CELSR1: variants seen among roughly 807,000 people sequenced by gnomAD.
CELSR1 encodes cadherin EGF LAG seven-pass G-type receptor 1.
CELSR1 carries 110 observed loss-of-function variants against 249.1 expected under a neutral mutation model. That is an observed-to-expected ratio of 0.44 (90% CI 0.38 to 0.52). The LOEUF is 0.52. Ranked by LOEUF, CELSR1 falls within the 20% of genes least tolerant of loss-of-function variation. CELSR1 has a pLI of 0.00. For synonymous variants in CELSR1, 2,113 were observed against 1,900.0 expected, an observed-to-expected ratio of 1.11 and a Z score of -2.92; for missense variants, 4,109 against 4,296.4, an observed-to-expected ratio of 0.96 and a Z score of 1.22.
rs745592460 is a variant in CELSR1, at chr22:46,536,169, C to T, written c.1002G>A (p.Ser334=). 3 of 1,612,836 alleles carry T rather than the reference C, an allele frequency of 1.9e-6. No homozygotes were observed. Among genetic ancestry groups the T allele is most frequent in the Non-Finnish European group, 2.5e-6 (3 of 1,180,004 alleles). ...KAVDYSTPPR[S]ATTYITVLVK... ...CCAAGACAGTGATGTAGGTGGTGGC[C>T]GAGCGCGGCGGCGTACTGTAGTCCA... Residue 334 remains serine (S), a synonymous_variant, in exon 1 of 35, where the codon TCG becomes TCA. Coordinates refer to ENST00000674500, the MANE Select transcript of CELSR1 (RefSeq NM_001378328.1).
chr22:46,489,413 G>A (rs2080346437), intron 1 of CELSR1, among the ~76,000 whole-genome samples: 9 of 151,744 alleles, frequency 5.9e-5, no homozygotes, highest in Admixed American at 5.9e-4. Context: ...ACTTGCTGAA[G>A]CTGGGGAGAA....
rs534304033 is a variant in CELSR1 at position 46,370,964 on chromosome 22, C to T, written c.7760-1160G>A. Among the ~76,000 whole-genome samples, 9 of 152,358 alleles carry T rather than the reference C, an allele frequency of 5.9e-5. No individual in the cohort carries two copies. The South Asian group carries it at 1.0e-3, about 18-fold the overall frequency. ...TTTAGAGTCCAAAGGGCAGAGGCATCGCAGAGACCTGCTCCGCCTGGACAT... is the reference window on the plus strand; with the variant it reads ...TTTAGAGTCCAAAGGGCAGAGGCATTGCAGAGACCTGCTCCGCCTGGACAT... On this transcript the variant is annotated intron_variant, in intron 25 of 34. Coordinates refer to ENST00000674500, the MANE Select transcript of CELSR1 (RefSeq NM_001378328.1).
Position 46,537,286 on chromosome 22 carries a change from G to C in CELSR1, c.-116C>G. On this transcript the variant is annotated 5_prime_UTR_variant, in exon 1 of 35. Transcript: ENST00000674500. The surrounding 1 kb of genome is among the most constrained non-coding windows in gnomAD (Gnocchi z 5.8). ...TCCCGGGCGCCCGGCCCTCGGGGCG[G>C]TCCGCGTCCCGCCTCCCCGGGGGCC... 2 of 990,602 alleles carry C rather than the reference G, an allele frequency of 2.0e-6. No individual in the cohort carries two copies. Among genetic ancestry groups the C allele is most frequent in the South Asian group, 9.2e-5 (2 of 21,702 alleles). 61.4% of individuals were successfully genotyped at this position (990,602 alleles called of 1,614,324 possible).
In CELSR1 at chr22:46,365,667, C is replaced by G. The variant is rs745559079; in HGVS notation, c.8323G>C (p.Gly2775Arg). Residue 2775 changes from glycine to arginine, a missense_variant, in exon 31 of 35, where the codon GGC becomes CGC. Transcript: ENST00000674500. Reference protein sequence around the residue: ...IVRDEGIQKLGVSSGLVRGSH... With the variant: ...IVRDEGIQKLRVSSGLVRGSH... ...CCCCTCACCAGCCCAGAGGACACGC[C>G]GAGCTTCTGGATCCCTTCATCCCTA... 1 of 1,581,468 alleles carries G rather than the reference C, an allele frequency of 6.3e-7. No individual in the cohort carries two copies. Among genetic ancestry groups the G allele is most frequent in the African/African-American group, 1.3e-5 (1 of 74,276 alleles).
Position 46,502,442 on chromosome 22 carries a change from T to G in CELSR1, c.3544+31185A>C, listed in dbSNP as rs1231185340. 1.4e-3 allele frequency among the ~76,000 whole-genome samples: 74 copies of G among 54,530 alleles called. 1 individual carries two copies. Among genetic ancestry groups the G allele is most frequent in the African/African-American group, 3.6e-3 (48 of 13,350 alleles). 35.8% of individuals were successfully genotyped at this position (54,530 alleles called of 152,430 possible). On this transcript the variant is annotated intron_variant, in intron 1 of 34. Transcript: ENST00000674500. ...AAGGGGAGGGAAGGGGAGGGAAGGGTAAAGTGGAAAGAAGAGGGAAGGGGA... is the reference window on the plus strand; with the variant it reads ...AAGGGGAGGGAAGGGGAGGGAAGGGGAAAGTGGAAAGAAGAGGGAAGGGGA...
chr22:46,501,343 T>A (rs568226421), intron 1 of CELSR1, among the ~76,000 whole-genome samples: 26 of 151,988 alleles, frequency 1.7e-4, no homozygotes, highest in African/African-American at 6.3e-4. Context: ...GTAGCTGGGA[T>A]TACAGGCATG....
Position 46,429,711 on chromosome 22 carries a change from G to A in CELSR1, c.4611+3682C>T, listed in dbSNP as rs561187435. ...GGAGCCAGACGGGAGGATAGAGTGA[G>A]GGAGGGGAGGGGTGTCAGGAGGGTC... On this transcript the variant is annotated intron_variant, in intron 5 of 34. Coordinates refer to ENST00000674500, the MANE Select transcript of CELSR1 (RefSeq NM_001378328.1). The surrounding 1 kb of genome is among the most constrained non-coding windows in gnomAD (Gnocchi z 4.1). Among the ~76,000 whole-genome samples, 5 of 152,234 alleles carry A rather than the reference G, an allele frequency of 3.3e-5. No homozygotes were observed. Among genetic ancestry groups the A allele is most frequent in the Non-Finnish European group, 7.3e-5 (5 of 68,042 alleles).
Position 46,363,997 on chromosome 22 carries a change from C to G in CELSR1, c.9034G>C (p.Glu3012Gln). The change falls in exon 34 of 35, where the codon GAA becomes CAA. Residue 3012 changes from glutamate (E) to glutamine (Q), a missense_variant and splice_region_variant. Physicochemically the swap from Glu to Gln is conservative, Grantham distance 29. Around this residue, in one of 7 missense-constraint regions of CELSR1, gnomAD observed 1,805 missense variants for 1,831.6 expected, o/e 0.99. Transcript: ENST00000674500. This position sits in a 1 kb window ranked among gnomAD's most constrained non-coding sequence, Gnocchi z 4.3. ...GSAQADGSDS[E>Q]GSNETSI The stretch of plus-strand genomic sequence containing the variant: ...GCCCTGGAGGCCCAGGCTACTCACT[C>G]AGAGTCGGAGCCATCGGCCTGGGCG... 5 of 1,600,538 alleles carry G rather than the reference C, an allele frequency of 3.1e-6. No homozygotes were observed. The highest frequency in any genetic ancestry group is 4.3e-6 in the Non-Finnish European group (5 of 1,174,572).
chr22:46,528,181 C>A (rs1461525885), intron 1 of CELSR1, among the ~76,000 whole-genome samples: 3 of 152,008 alleles, frequency 2.0e-5, no homozygotes, highest in Non-Finnish European at 4.4e-5. Context: ...CAGACAATGC[C>A]TGAACAGTAG....
chr22:46,442,977 A>G (rs1315891888), intron 2 of CELSR1, among the ~76,000 whole-genome samples: 1 of 151,974 alleles, frequency 6.6e-6, no homozygotes, highest in Non-Finnish European at 1.5e-5. Context: ...GGGCGCCTGT[A>G]GTCCCAGCTA....
At chr22:46,528,811 C>A (rs1240395963) in intron 1 of CELSR1, among the ~76,000 whole-genome samples, 4 of 151,532 alleles carry the variant, frequency 2.6e-5, no homozygotes, top group Admixed American at 2.6e-4. Flanking sequence ...CGCCTGTAGT[C>A]CCAGCTACTC....
rs1239887661 is a variant in CELSR1, at chr22:46,468,872, C to T, written c.3545-4527G>A. 2.0e-5 allele frequency among the ~76,000 whole-genome samples: 3 copies of T among 152,060 alleles called. No homozygotes were observed. The highest frequency in any genetic ancestry group is 4.4e-5 in the Non-Finnish European group (3 of 68,022). On this transcript the variant is annotated intron_variant, in intron 1 of 34. Coordinates refer to ENST00000674500, the MANE Select transcript of CELSR1 (RefSeq NM_001378328.1). The surrounding 1 kb of genome is among the most constrained non-coding windows in gnomAD (Gnocchi z 4.5). ...GGCAGATCACCTGAGGTCAGGAGTT[C>T]GAGACCAGCATGGCCAACATGGTGA... is the stretch of plus-strand genomic sequence containing the variant.
At position 46,410,459 on chromosome 22, in the gene CELSR1, C is replaced by T. The variant is rs1175187172; in HGVS notation, c.4872G>A (p.Leu1624=). The T allele has an allele frequency of 5.0e-6, 8 of 1,614,104 alleles. No homozygotes were observed. The highest frequency in any genetic ancestry group is 1.3e-5 in the African/African-American group (1 of 75,052). Residue 1624 remains leucine, a synonymous_variant, in exon 7 of 35, where the codon CTG becomes CTA. Transcript: ENST00000674500. This position sits in a 1 kb window ranked among gnomAD's most constrained non-coding sequence, Gnocchi z 6.8. ...TGTCCACATTTTTGCCGTCGACTGA[C>T]AGGTTCCGCATGCAGCCCACGAACT... ...NRQFVGCMRN[L]SVDGKNVDMA... is the part of the protein sequence containing the mutation.
intron 18 of CELSR1, among the ~76,000 whole-genome samples, chr22:46,388,383 A>G (rs1230899298): frequency 6.6e-6 from 1 of 151,992 alleles, no homozygotes. Context: ...AGAAACCAGA[A>G]AGGAAACTTG....
At position 46,533,678 on chromosome 22, in the gene CELSR1, C is replaced by A; in HGVS notation, c.3493G>T (p.Asp1165Tyr). Residue 1165 changes from aspartate to tyrosine, a missense_variant, in exon 1 of 35, where the codon GAC becomes TAC. By Grantham distance (160) the Asp-to-Tyr change is radical (BLOSUM62 -3). Coordinates refer to ENST00000674500, the MANE Select transcript of CELSR1 (RefSeq NM_001378328.1). The stretch of plus-strand genomic sequence containing the variant: ...TCCAGCGGCCGGTTGTTGTCCAGGT[C>A]GCGGCTGAGCTGCAGTTCGCCCGTG... ...PATGELQLSR[D>Y]LDNNRPLEAL... The A allele has an allele frequency of 6.2e-7, 1 of 1,607,116 alleles. No individual in the cohort carries two copies. Among genetic ancestry groups the A allele is most frequent in the Non-Finnish European group, 8.5e-7 (1 of 1,178,240 alleles).
chr22:46,476,884 C>T (rs945006447), intron 1 of CELSR1, among the ~76,000 whole-genome samples: 1 of 152,048 alleles, frequency 6.6e-6, no homozygotes, highest in East Asian at 1.9e-4. Context: ...GTAACAAATG[C>T]CACTGAAGTG....
At chr22:46,422,538 T>G (rs893662610) in intron 5 of CELSR1, among the ~76,000 whole-genome samples, 1 of 151,096 alleles carries the variant, frequency 6.6e-6, no homozygotes, top group Non-Finnish European at 1.5e-5. Flanking sequence ...ACTGAGACCA[T>G]CCTGGCCAAC....
rs560934536 is a variant in CELSR1 at position 46,362,117 on chromosome 22, G to T, written c.*1106C>A. The T allele has an allele frequency of 3.9e-5, 6 of 152,390 alleles. No individual in the cohort carries two copies. Among genetic ancestry groups the T allele is most frequent in the East Asian group, 1.9e-4 (1 of 5,186 alleles). 9.4% of individuals were successfully genotyped at this position (152,390 alleles called of 1,614,324 possible). A position where few individuals can be genotyped will look rare whatever the true frequency, so the allele number is the denominator to read the frequency against. ...CAGGAGGTATGTAACGGCCTGGAAG[G>T]CCCCACACCTCTGTCCAAATCAGGA... is the stretch of plus-strand genomic sequence containing the variant. On this transcript the variant is annotated 3_prime_UTR_variant, in exon 35 of 35. Transcript: ENST00000674500.
chr22:46,416,310 A>T (rs2079400872), intron 5 of CELSR1, among the ~76,000 whole-genome samples: 1 of 152,232 alleles, frequency 6.6e-6, no homozygotes, highest in Non-Finnish European at 1.5e-5. Context: ...TGGAGGCCCC[A>T]GCGCCCCGGC....
Sources: allele counts gnomAD v4.1 joint callset (sites outside exome capture counted in the v4.1 genomes callset), GRCh38; gene constraint gnomAD v4.1.1; regional missense constraint gnomAD v4.1.1; non-coding constraint Gnocchi (gnomAD v3.1); transcripts MANE v1.5; gene names NCBI Gene and HGNC (gene_info 2026-07-23, HGNC 2026-07-21).